KLHL20: variants seen among roughly 807,000 people sequenced by gnomAD.
KLHL20 encodes the protein kelch like family member 20.
A neutral mutation model predicts 69.5 loss-of-function variants in KLHL20; 29 were observed. The ratio of observed to expected loss-of-function variants is 0.42; its 90% CI spans 0.31 to 0.57. The LOEUF (loss-of-function observed/expected upper bound fraction) is 0.57, where lower values mean the gene tolerates loss of function less well. KLHL20 is among the 20% of genes least tolerant of loss of function. KLHL20 has a pLI of 0.18. For synonymous variants in KLHL20, 253 were observed against 265.2 expected (o/e 0.95, Z 0.45); for missense variants, 419 against 776.0 (o/e 0.54, Z 5.47).
intron 5 of KLHL20, 86 bp from the exon 6 acceptor site, chr1:173,755,837 C>A: frequency 1.2e-6 from 1 of 817,882 alleles, no homozygotes; most frequent in Non-Finnish European, 2.0e-6. Flanking sequence ...CTTCCCTTTG[C>A]CAACCTATAT....
chr1:173,727,124 A>G lies in KLHL20; in HGVS notation c.24-6589A>G, dbSNP rs185480562. Among the ~76,000 whole-genome samples the G allele has an allele frequency of 1.1e-4, 17 of 152,302 alleles. No individual in the cohort carries two copies. The East Asian group carries it at 2.7e-3, about 24-fold the overall frequency. On this transcript the variant is annotated intron_variant, in intron 2 of 11. Coordinates refer to ENST00000209884, the MANE Select transcript of KLHL20 (RefSeq NM_014458.4). ...TGCAGAAGCCTCAGTAGCTGATTCA[A>G]TCAACTAGAAGAAAGGGTATCAGTG...
intron 10 of KLHL20, among the ~76,000 whole-genome samples, chr1:173,778,055 G>A (rs1014896952): frequency 2.6e-5 from 4 of 152,040 alleles, no homozygotes; most frequent in African/African-American, 9.7e-5. Flanking sequence ...TTTCTTTGCC[G>A]GAAGATTTTT....
chr1:173,726,835 G>C (rs1359225824), intron 2 of KLHL20, among the ~76,000 whole-genome samples: 1 of 152,174 alleles, frequency 6.6e-6, no homozygotes, highest in Non-Finnish European at 1.5e-5. Context: ...CTAAAAATCA[G>C]AGCACCTCTC....
chr1:173,729,267 G>T (rs1044351111), intron 2 of KLHL20, among the ~76,000 whole-genome samples: 6 of 152,290 alleles, frequency 3.9e-5, no homozygotes, highest in African/African-American at 1.4e-4. Context: ...GGACCAGATG[G>T]ATTCACAGCC....
At chr1:173,737,250 G>T (rs1210352627) in intron 3 of KLHL20, among the ~76,000 whole-genome samples, 2 of 151,944 alleles carry the variant, frequency 1.3e-5, no homozygotes, top group Non-Finnish European at 2.9e-5. Context: ...ATTTATCTTT[G>T]TTTTTGTTGC....
intron 5 of KLHL20, among the ~76,000 whole-genome samples, chr1:173,754,889 T>G (rs1268182948): frequency 6.6e-6 from 1 of 152,134 alleles, no homozygotes; most frequent in East Asian, 1.9e-4. Flanking sequence ...GTTGTGAAGA[T>G]TAAATGAGTT....
At chr1:173,756,740 G>A (rs1673566603) in intron 6 of KLHL20, among the ~76,000 whole-genome samples, 1 of 152,100 alleles carries the variant, frequency 6.6e-6, no homozygotes, top group African/African-American at 2.4e-5. Flanking sequence ...ATAATCCTAT[G>A]TGAATTGGTA....
rs1042773345 is a variant in KLHL20 at position 173,740,818 on chromosome 1, G to GC, written c.597+6539dup. 2.8e-4 allele frequency among the ~76,000 whole-genome samples: 42 copies of GC among 151,072 alleles called. No homozygotes were observed. The South Asian group carries it at 4.2e-3, about 15-fold the overall frequency. ...CGTGTCGTATCTGCACTTCTCATTTGCCCCCCCGGATTCTGCCCAGGAAAA... is the reference window on the plus strand; with the variant it reads ...CGTGTCGTATCTGCACTTCTCATTTGCCCCCCCCGGATTCTGCCCAGGAAAA... On this transcript the variant is annotated intron_variant, in intron 3 of 11. Coordinates refer to ENST00000209884, the MANE Select transcript of KLHL20 (RefSeq NM_014458.4).
chr1:173,717,932 C>T (rs1671538846), intron 2 of KLHL20, among the ~76,000 whole-genome samples: 1 of 152,110 alleles, frequency 6.6e-6, no homozygotes, highest in South Asian at 2.1e-4. Flanking sequence ...TAGCACAATG[C>T]AAAATTTAAA....
chr1:173,736,689 G>A (rs1422279219), intron 3 of KLHL20, among the ~76,000 whole-genome samples: 6 of 151,664 alleles, frequency 4.0e-5, no homozygotes, highest in African/African-American at 7.3e-5. Context: ...TCCGCCTCCC[G>A]GGTTCAAGCG....
chr1:173,765,281 A>G (rs1571916496), intron 7 of KLHL20, among the ~76,000 whole-genome samples: 2 of 152,186 alleles, frequency 1.3e-5, no homozygotes, highest in African/African-American at 2.4e-5. Flanking sequence ...AGGCGGGTGG[A>G]TCACGAGGTC....
chr1:173,747,808 CT>C (rs1673133712), intron 3 of KLHL20, among the ~76,000 whole-genome samples: 1 of 150,300 alleles, frequency 6.7e-6, no homozygotes, highest in African/African-American at 2.4e-5. Context: ...CCACTGGTTA[CT>C]TTTACAAACT....
At chr1:173,719,471 C>T (rs1469418088) in intron 2 of KLHL20, among the ~76,000 whole-genome samples, 1 of 152,004 alleles carries the variant, frequency 6.6e-6, no homozygotes, top group Non-Finnish European at 1.5e-5. Context: ...ATTAGCTGGG[C>T]ATGGTGGTGC....
chr1:173,751,030 C>T (rs942982029), intron 3 of KLHL20, among the ~76,000 whole-genome samples: 4 of 152,120 alleles, frequency 2.6e-5, no homozygotes, highest in Admixed American at 2.0e-4. Context: ...AGTACAGTCT[C>T]GTGAGTAATA....
At chr1:173,740,603 CAGTTT>C (rs1386087712) in intron 3 of KLHL20, among the ~76,000 whole-genome samples, 1 of 152,058 alleles carries the variant, frequency 6.6e-6, no homozygotes, top group African/African-American at 2.4e-5. Context: ...CTATTATTGT[CAGTTT>C]AAAGAATTTT....
chr1:173,766,506 C>T (rs887197452), intron 8 of KLHL20, among the ~76,000 whole-genome samples: 13 of 148,912 alleles, frequency 8.7e-5, no homozygotes, highest in South Asian at 2.1e-4. Context: ...ATTAGCCGGG[C>T]GTGGTGGTGC....
chr1:173,765,317 C>T (rs541492836), intron 7 of KLHL20, among the ~76,000 whole-genome samples: 8 of 152,084 alleles, frequency 5.3e-5, no homozygotes, highest in Non-Finnish European at 1.2e-4. Flanking sequence ...TCCTGGCTCA[C>T]ACGGTGAAAC....
chr1:173,734,839 C>G (rs921937886), intron 3 of KLHL20, among the ~76,000 whole-genome samples: 1 of 152,162 alleles, frequency 6.6e-6, no homozygotes, highest in Non-Finnish European at 1.5e-5. Flanking sequence ...AATCTAGAGT[C>G]TCTGTATTCA....
intron 3 of KLHL20, among the ~76,000 whole-genome samples, chr1:173,746,369 A>G (rs1270272709): frequency 6.6e-6 from 1 of 152,186 alleles, no homozygotes; most frequent in East Asian, 1.9e-4. Context: ...TAAAAGTTTG[A>G]TAGAATTTCC....
Sources: gnomAD v4.1 joint callset for allele counts (sites outside exome capture counted in the v4.1 genomes callset) on GRCh38, gnomAD v4.1.1 for gene constraint, MANE v1.5 for transcripts, NCBI Gene and HGNC (gene_info 2026-07-23, HGNC 2026-07-21) for gene names.